Variants in ADAMTSL1 observed in about 807,000 individuals in gnomAD.
ADAMTSL1 encodes the protein ADAMTS like 1.
ADAMTSL1 carries 126 observed loss-of-function variants against 201.8 expected under a neutral mutation model. The observed-to-expected ratio is 0.62, with a 90% CI of 0.54 to 0.72. ADAMTSL1 has a LOEUF of 0.72. Among genes scored for constraint, ADAMTSL1 ranks in the 30% least tolerant of loss-of-function variants. The pLI, the probability that ADAMTSL1 is intolerant of heterozygous loss-of-function variation, is 0.00. For synonymous variants in ADAMTSL1, 1,121 were observed against 903.4 expected (o/e 1.24, Z -4.32); for missense variants, 2,679 against 2,277.8 (o/e 1.18, Z -3.59).
chr9:18,886,597 G>A (rs950038898), intron 23 of ADAMTSL1, among the ~76,000 whole-genome samples: 3 of 152,142 alleles, frequency 2.0e-5, no homozygotes, highest in South Asian at 2.1e-4. Flanking sequence ...ATTTGATATC[G>A]GTGAGGGCTT....
At chr9:18,882,536 G>A (rs576027535) in intron 23 of ADAMTSL1, among the ~76,000 whole-genome samples, 148 of 152,224 alleles carry the variant, frequency 9.7e-4, no homozygotes, top group African/African-American at 3.3e-3. Context: ...ATAGGTGCCC[G>A]GATCCCAGGA....
intron 1 of ADAMTSL1, among the ~76,000 whole-genome samples, chr9:17,936,286 A>C (rs1827006304): frequency 6.6e-6 from 1 of 152,140 alleles, no homozygotes; most frequent in African/African-American, 2.4e-5. Flanking sequence ...TATGCTTTAA[A>C]AAAAATCACT....
chr9:18,776,072 A>G (rs975650013), intron 18 of ADAMTSL1, among the ~76,000 whole-genome samples, 176 bp downstream of exon 18: 4 of 152,204 alleles, frequency 2.6e-5, no homozygotes, highest in Non-Finnish European at 5.9e-5. Flanking sequence ...AATCTTAATT[A>G]CACGTGGCCA....
intron 1 of ADAMTSL1, among the ~76,000 whole-genome samples, chr9:17,999,322 C>T (rs1819513411): frequency 5.9e-5 from 9 of 151,772 alleles, no homozygotes; most frequent in Admixed American, 5.9e-4. Flanking sequence ...ACAGAAGGGG[C>T]CACTGTGAAA....
chr9:18,495,758 G>T (rs969000965), intron 1 of ADAMTSL1, among the ~76,000 whole-genome samples: 2 of 152,162 alleles, frequency 1.3e-5, no homozygotes, highest in African/African-American at 4.8e-5. Context: ...TAGTGTGTGT[G>T]TGTGAAGGTG....
intron 2 of ADAMTSL1, among the ~76,000 whole-genome samples, chr9:18,253,468 T>A (rs895453595): frequency 6.6e-6 from 1 of 152,222 alleles, no homozygotes; most frequent in South Asian, 2.1e-4. Flanking sequence ...ACTAGGCCTA[T>A]ATTTCTTTTC....
chr9:18,191,820 T>C (rs765900837), intron 2 of ADAMTSL1, among the ~76,000 whole-genome samples: 66 of 152,208 alleles, frequency 4.3e-4, no homozygotes, highest in Non-Finnish European at 8.7e-4. Flanking sequence ...TATTTTGTTA[T>C]GCCCATATTC....
chr9:18,342,446 T>C (rs1835504593), intron 2 of ADAMTSL1, among the ~76,000 whole-genome samples: 3 of 152,152 alleles, frequency 2.0e-5, no homozygotes, highest in Admixed American at 2.0e-4. Flanking sequence ...GCAAAAGGAC[T>C]AAGAGGAGGG....
intron 2 of ADAMTSL1, among the ~76,000 whole-genome samples, chr9:18,193,252 A>G (rs1829042502): frequency 6.6e-6 from 1 of 152,198 alleles, no homozygotes; most frequent in South Asian, 2.1e-4. Flanking sequence ...TCGTTTTGAA[A>G]AGATGACCCT....
intron 2 of ADAMTSL1, among the ~76,000 whole-genome samples, chr9:18,302,659 G>A (rs78345721): frequency 6.6e-6 from 1 of 152,128 alleles, no homozygotes; most frequent in Non-Finnish European, 1.5e-5. Flanking sequence ...GGGCTGAAAA[G>A]AGTTAACTGC....
At chr9:17,945,717 CA>C (rs1335090733) in intron 1 of ADAMTSL1, among the ~76,000 whole-genome samples, 2 of 150,142 alleles carry the variant, frequency 1.3e-5, no homozygotes, top group Non-Finnish European at 2.9e-5. Context: ...ATCGCAAGAA[CA>C]AAAAACCAAA....
chr9:18,411,017 T>A, intron 2 of ADAMTSL1, among the ~76,000 whole-genome samples: 1 of 150,422 alleles, frequency 6.6e-6, no homozygotes, highest in South Asian at 2.1e-4. Flanking sequence ...AGTTGTTTTT[T>A]TTTGTTTGGT....
At chr9:18,147,934 A>C (rs1473042667) in intron 1 of ADAMTSL1, among the ~76,000 whole-genome samples, 1 of 152,108 alleles carries the variant, frequency 6.6e-6, no homozygotes, top group Non-Finnish European at 1.5e-5. Flanking sequence ...CATTTTAGGA[A>C]GTTTTTACCT....
chr9:18,445,344 T>C (rs1212540109), intron 2 of ADAMTSL1, among the ~76,000 whole-genome samples: 2 of 152,184 alleles, frequency 1.3e-5, no homozygotes, highest in East Asian at 3.8e-4. Context: ...ACTTTGTTTG[T>C]TTAATGCAAA....
At chr9:17,916,627 T>C (rs1826105165) in intron 1 of ADAMTSL1, among the ~76,000 whole-genome samples, 1 of 152,190 alleles carries the variant, frequency 6.6e-6, no homozygotes, top group East Asian at 1.9e-4. Flanking sequence ...CACACACGCG[T>C]AGGTCTATTT....
intron 2 of ADAMTSL1, among the ~76,000 whole-genome samples, chr9:18,422,088 T>A (rs1391986252): frequency 6.6e-6 from 1 of 152,162 alleles, no homozygotes; most frequent in Non-Finnish European, 1.5e-5. Context: ...ATCCAGCTCA[T>A]CTCTGCTTCA....
intron 2 of ADAMTSL1, among the ~76,000 whole-genome samples, chr9:18,239,033 T>C (rs7028441): frequency 0.32 from 49,397 of 152,162 alleles, 8,204 homozygotes; most frequent in Admixed American, 0.4. Context: ...ATAATAGCAT[T>C]ATGTCTATAA....
rs371824469 is a variant in ADAMTSL1 at position 18,830,006 on chromosome 9, A to G, written c.4249+29A>G. The G allele has an allele frequency of 3.2e-6, 5 of 1,583,600 alleles. No homozygotes were observed. The Admixed American group carries it at 5.5e-5, about 17-fold the overall frequency. On this transcript the variant is annotated intron_variant, in intron 23 of 28. Coordinates refer to ENST00000380548, the MANE Select transcript of ADAMTSL1 (RefSeq NM_001040272.6). ...AGTCTAACCCTCGGAAACATTGGGCAGAAAGCCAGGACTGGACAGGATTTA... is the reference window on the plus strand; with the variant it reads ...AGTCTAACCCTCGGAAACATTGGGCGGAAAGCCAGGACTGGACAGGATTTA...
In ADAMTSL1 at chr9:18,906,898, C is replaced by T. The variant is rs774935335; in HGVS notation, c.5168C>T (p.Thr1723Ile). 9 of 1,613,830 alleles carry T rather than the reference C, an allele frequency of 5.6e-6. No individual in the cohort carries two copies. The South Asian group carries it at 8.8e-5, about 16-fold the overall frequency. Residue 1723 changes from threonine (T) to isoleucine (I), a missense_variant, in exon 28 of 29, where the codon ACC becomes ATC. Physicochemically the swap from Thr to Ile is moderately conservative, Grantham distance 89 (BLOSUM62 -1). Transcript: ENST00000380548. ...GCCAACTGGCAGCGCTGCAACATCACCCCATGTGAAAACAGTATGTTCCAA... is the reference window on the plus strand; with the variant it reads ...GCCAACTGGCAGCGCTGCAACATCATCCCATGTGAAAACAGTATGTTCCAA... ...RPANWQRCNI[T>I]PCENMECRDT... is the part of the protein sequence containing the mutation.
Sources: allele counts gnomAD v4.1 joint callset (sites outside exome capture counted in the v4.1 genomes callset), GRCh38; gene constraint gnomAD v4.1.1; transcripts MANE v1.5; gene names NCBI Gene and HGNC (gene_info 2026-07-23, HGNC 2026-07-21).